EEA1: variants seen among roughly 807,000 people sequenced by gnomAD.
EEA1 encodes early endosome antigen 1, 162kD.
EEA1 carries 111 observed loss-of-function variants against 209.2 expected under a neutral mutation model. That is an observed-to-expected ratio of 0.53 (90% CI 0.45 to 0.62). The LOEUF is 0.62. EEA1 is among the 20% of genes least tolerant of loss of function. EEA1 has a pLI of 0.00. For synonymous variants in EEA1, 536 were observed against 540.6 expected, an observed-to-expected ratio of 0.99 and a Z score of 0.12; for missense variants, 1,343 against 1,530.8, an observed-to-expected ratio of 0.88 and a Z score of 2.05.
chr12:92,812,829 T>A (rs1875585150), intron 16 of EEA1, 151 bp downstream of exon 16: 3 of 479,994 alleles, frequency 6.3e-6, no homozygotes, highest in Non-Finnish European at 1.1e-5. Context: ...CCCCCACTTT[T>A]ACTACTCAAC....
At chr12:92,812,470 G>A (rs1202348259) in intron 16 of EEA1, among the ~76,000 whole-genome samples, 2 of 152,086 alleles carry the variant, frequency 1.3e-5, no homozygotes, top group Non-Finnish European at 2.9e-5. Context: ...TTCTACCAGA[G>A]TATCGCTTCT....
At chr12:92,902,861 T>G (rs771540509) in intron 1 of EEA1, among the ~76,000 whole-genome samples, 6 of 152,018 alleles carry the variant, frequency 3.9e-5, no homozygotes, top group African/African-American at 7.2e-5. Context: ...TTGTAACAGC[T>G]TATAAATCAT....
intron 5 of EEA1, among the ~76,000 whole-genome samples, chr12:92,855,391 C>T (rs1592738747): frequency 1.3e-5 from 2 of 149,098 alleles, no homozygotes; most frequent in East Asian, 3.9e-4. Flanking sequence ...GATCGCGCGC[C>T]ACTGCACTCC....
chr12:92,923,629 A>G (rs1373378262), intron 1 of EEA1, among the ~76,000 whole-genome samples: 1 of 151,700 alleles, frequency 6.6e-6, no homozygotes, highest in Non-Finnish European at 1.5e-5. Flanking sequence ...TCCACCACAT[A>G]GTTACTTTTT....
chr12:92,810,460 A>G (rs1361243011), intron 17 of EEA1, among the ~76,000 whole-genome samples: 2 of 152,088 alleles, frequency 1.3e-5, no homozygotes, highest in African/African-American at 4.8e-5. Flanking sequence ...ATCGTTTGTC[A>G]TAAAGAAAAA....
chr12:92,814,436 T>G (rs979273088), intron 15 of EEA1, among the ~76,000 whole-genome samples: 2 of 152,174 alleles, frequency 1.3e-5, no homozygotes, highest in African/African-American at 2.4e-5. Flanking sequence ...CAAAAACTCA[T>G]GAAATATTTT....
At position 92,777,955 on chromosome 12, in the gene EEA1, TC is replaced by T; in HGVS notation, c.3878del (p.Arg1293LysfsTer14). ...ATVQNNQDER[R>X]ALLERCLKGE... Reference sequence around the variant, plus strand: ...ATATCAATCACCTTTCCAGTAGTGCTCTCCTTTCATCTTGATTATTCTGAAC... The same window carrying T: ...ATATCAATCACCTTTCCAGTAGTGCTTCCTTTCATCTTGATTATTCTGAAC... On this transcript the variant is annotated frameshift_variant, in exon 26 of 29. Transcript: ENST00000322349. LOFTEE classifies it high-confidence loss of function. 6.2e-7 allele frequency: 1 copy of T among 1,612,692 alleles called. No homozygotes were observed. The highest frequency in any genetic ancestry group is 1.1e-5 in the South Asian group (1 of 91,012).
chr12:92,924,265 T>G (rs1881126912), intron 1 of EEA1, among the ~76,000 whole-genome samples: 1 of 142,906 alleles, frequency 7.0e-6, no homozygotes, highest in Non-Finnish European at 1.5e-5. Flanking sequence ...GAGAGTGCAA[T>G]GGCACAATCT....
rs769353781 is a variant in EEA1 at position 92,852,898 on chromosome 12, C to CT, written c.520+13dup. ...AGATTGATTTATTGGCTAAAAAATT[C>CT]TAACTCAATTTACCTGCAATTTCAG... On this transcript the variant is annotated intron_variant, in intron 7 of 28. Transcript: ENST00000322349. 1.5e-5 allele frequency: 23 copies of CT among 1,585,646 alleles called. 2 individuals carry two copies. In the South Asian group the frequency reaches 2.6e-4, roughly 18 times the overall value.
At chr12:92,835,254 T>C (rs1876864514) in intron 10 of EEA1, among the ~76,000 whole-genome samples, 1 of 152,054 alleles carries the variant, frequency 6.6e-6, no homozygotes, top group South Asian at 2.1e-4. Flanking sequence ...TCACATACAC[T>C]GAGAACTTGG....
Position 92,778,139 on chromosome 12 carries a change from T to C in EEA1, c.3695A>G (p.His1232Arg), listed in dbSNP as rs771877280. 1.2e-5 allele frequency: 19 copies of C among 1,612,950 alleles called. No individual in the cohort carries two copies. The South Asian group carries it at 1.6e-4, about 14-fold the overall frequency. ...IKEKEVGMKK[H>R]EENEAKLTMQ... ...GGTAAGTTTAGCCTCATTTTCTTCA[T>C]GCTTCTTCATTCCTACTTCCTTTTC... The change falls in exon 26 of 29, where the codon CAT becomes CGT. Residue 1232 changes from histidine to arginine, a missense_variant. Transcript: ENST00000322349.
intron 1 of EEA1, among the ~76,000 whole-genome samples, chr12:92,925,102 G>A (rs745407008): frequency 1.6e-4 from 24 of 146,260 alleles, no homozygotes; most frequent in Admixed American, 4.2e-4. Flanking sequence ...TCCACTGGAC[G>A]CTAAACTCCA....
At chr12:92,791,541 T>C (rs1032184365) in intron 21 of EEA1, among the ~76,000 whole-genome samples, 2 of 152,122 alleles carry the variant, frequency 1.3e-5, no homozygotes, top group Non-Finnish European at 2.9e-5. Flanking sequence ...CATTACATAA[T>C]GTTAAAGGGA....
intron 1 of EEA1, among the ~76,000 whole-genome samples, chr12:92,906,250 C>A (rs1474738696): frequency 6.6e-6 from 1 of 152,002 alleles, no homozygotes; most frequent in Admixed American, 6.6e-5. Context: ...TGCCACCACA[C>A]CTGACTAATT....
chr12:92,814,930 T>A (rs1875706277), intron 15 of EEA1, among the ~76,000 whole-genome samples: 1 of 152,164 alleles, frequency 6.6e-6, no homozygotes, highest in East Asian at 1.9e-4. Flanking sequence ...ACAGTTAAGC[T>A]ACAGCTGGCT....
At position 92,801,584 on chromosome 12, in the gene EEA1, A is replaced by C. The variant is rs763683403; in HGVS notation, c.2772+16T>G. 1.6e-6 allele frequency: 2 copies of C among 1,242,906 alleles called. No homozygotes were observed. The highest frequency in any genetic ancestry group is 1.6e-5 in the South Asian group (1 of 63,254). 77.0% of individuals were successfully genotyped at this position (1,242,906 alleles called of 1,614,324 possible). A position where few individuals can be genotyped will look rare whatever the true frequency, so the allele number is the denominator to read the frequency against. ...CTATACTTTACAGATTTTATGTTAC[A>C]AAAAAAAAATCTTACCTCCTTCTCT... is the stretch of plus-strand genomic sequence containing the variant. On this transcript the variant is annotated intron_variant, in intron 20 of 28. Coordinates refer to ENST00000322349, the MANE Select transcript of EEA1 (RefSeq NM_003566.4).
At chr12:92,888,943 A>G (rs1280934310) in intron 2 of EEA1, among the ~76,000 whole-genome samples, 1 of 152,142 alleles carries the variant, frequency 6.6e-6, no homozygotes, top group Admixed American at 6.5e-5. Flanking sequence ...TGAGGTCAGA[A>G]GTTCGAGACT....
intron 10 of EEA1, chr12:92,835,271 C>A (rs916885227): frequency 9.2e-6 from 2 of 217,830 alleles, no homozygotes; most frequent in Non-Finnish European, 1.9e-5. Flanking sequence ...TTGGATGGAA[C>A]ATACCTTTTA....
At chr12:92,812,121 G>A (rs7957164) in intron 16 of EEA1, among the ~76,000 whole-genome samples, 3,246 of 152,110 alleles carry the variant, frequency 0.021, 125 homozygotes, top group African/African-American at 0.075. Flanking sequence ...ACCTGAAGTC[G>A]GAGTTTGAGA....
Sources: allele counts gnomAD v4.1 joint callset (sites outside exome capture counted in the v4.1 genomes callset), GRCh38; gene constraint gnomAD v4.1.1; transcripts MANE v1.5; gene names NCBI Gene and HGNC (gene_info 2026-07-23, HGNC 2026-07-21).